The following NEMP2 variants were observed in gnomAD, a reference collection of about 807,000 sequenced individuals.
The protein encoded by NEMP2 is UPF0571 transmembrane protein.
In NEMP2, 53 loss-of-function variants were observed where a neutral mutation model predicts 54.2. That is an observed-to-expected ratio of 0.98 (90% CI 0.78 to 1.23). The LOEUF is 1.23. Ranked by LOEUF, NEMP2 falls within the 50% of genes most tolerant of loss-of-function variation. The pLI is 0.00. For missense variants in NEMP2, 455 were observed against 511.3 expected (o/e 0.89, Z 1.06); for synonymous variants, 197 against 190.3 (o/e 1.04, Z -0.29).
chr2:190,587,136 T>G, the NEMP2 span, among the ~76,000 whole-genome samples: 2 of 152,198 alleles, frequency 1.3e-5, no homozygotes, highest in Non-Finnish European at 2.9e-5. This position sits in a 1 kb window ranked among gnomAD's most constrained non-coding sequence, Gnocchi z 5.4. Context: ...CACTTTTCTG[T>G]GGATCTCTCA....
chr2:190,646,330 C>T, the NEMP2 span, among the ~76,000 whole-genome samples: 7 of 152,020 alleles, frequency 4.6e-5, no homozygotes, highest in Admixed American at 3.3e-4. Context: ...ATCCTCAGGG[C>T]GTGGGAGTGG....
At chr2:190,643,885 C>T in the NEMP2 span, among the ~76,000 whole-genome samples, 1 of 152,052 alleles carries the variant, frequency 6.6e-6, no homozygotes, top group Non-Finnish European at 1.5e-5. Context: ...CATGATTGTG[C>T]CACTGTACTC....
chr2:190,433,479 A>C, the NEMP2 span: 49 of 152,344 alleles, frequency 3.2e-4, no homozygotes, highest in African/African-American at 1.1e-3. This position sits in a 1 kb window ranked among gnomAD's most constrained non-coding sequence, Gnocchi z 4.5. Context: ...GAGGAAAAAA[A>C]TGTTTTTCTT....
At chr2:190,629,799 G>T in the NEMP2 span, 1 of 152,228 alleles carries the variant, frequency 6.6e-6, no homozygotes, top group Non-Finnish European at 1.5e-5. Context: ...CACTTGATGC[G>T]TGTCAAAACC....
chr2:190,550,054 A>C, the NEMP2 span, among the ~76,000 whole-genome samples: 1 of 152,222 alleles, frequency 6.6e-6, no homozygotes, highest in African/African-American at 2.4e-5. The surrounding 1 kb of genome is among the most constrained non-coding windows in gnomAD (Gnocchi z 4.7). Flanking sequence ...GGGGTTTTTT[A>C]CATAGCTTTA....
the NEMP2 span, among the ~76,000 whole-genome samples, chr2:190,553,022 A>G: frequency 6.6e-6 from 1 of 152,192 alleles, no homozygotes; most frequent in Non-Finnish European, 1.5e-5. Flanking sequence ...GCAGTTCGTA[A>G]GCAGAATATT....
the NEMP2 span, among the ~76,000 whole-genome samples, chr2:190,540,423 A>G: frequency 6.6e-6 from 1 of 152,054 alleles, no homozygotes; most frequent in East Asian, 1.9e-4. Context: ...AGCTGGGACT[A>G]CAGACGCATG....
chr2:190,480,764 G>A, the NEMP2 span, among the ~76,000 whole-genome samples: 9 of 152,290 alleles, frequency 5.9e-5, no homozygotes, highest in African/African-American at 2.2e-4. Context: ...TTATAGGAGA[G>A]GTTGACATGA....
the NEMP2 span, among the ~76,000 whole-genome samples, chr2:190,439,208 A>G: frequency 6.6e-6 from 1 of 152,072 alleles, no homozygotes; most frequent in East Asian, 1.9e-4. The surrounding 1 kb of genome is among the most constrained non-coding windows in gnomAD (Gnocchi z 5.8). Context: ...TAATGTCTTT[A>G]AAATCACTGT....
rs968313866 is a variant in NEMP2 at position 190,518,743 on chromosome 2, G to T, written c.511C>A (p.Leu171Met). 2 of 1,540,796 alleles carry T rather than the reference G, an allele frequency of 1.3e-6. No individual in the cohort carries two copies. The highest frequency in any genetic ancestry group is 2.1e-5 in the Admixed American group (1 of 48,522). ...GVFLFFYART[L>M]SQSPTFYYSS... ...ATAAAAAGGAATACTTACTGACTCA[G>T]GGTCCTTGCATAAAAGAAAAGAAAA... The change falls in exon 4 of 9, where the codon CTG becomes ATG. Residue 171 changes from leucine (L) to methionine (M), a missense_variant. Transcript: ENST00000409150.
the NEMP2 span, among the ~76,000 whole-genome samples, chr2:190,647,795 A>C: frequency 3.6e-4 from 50 of 139,536 alleles, no homozygotes; most frequent in African/African-American, 1.3e-3. Context: ...GCTCACTGCA[A>C]CCTCCGCCTC....
chr2:190,561,113 A>AT, the NEMP2 span, among the ~76,000 whole-genome samples: 5 of 152,178 alleles, frequency 3.3e-5, no homozygotes, highest in East Asian at 9.6e-4. This position sits in a 1 kb window ranked among gnomAD's most constrained non-coding sequence, Gnocchi z 5.4. Context: ...CTACCTTCCC[A>AT]TGCTGGGGCT....
the NEMP2 span, among the ~76,000 whole-genome samples, chr2:190,423,965 C>T: frequency 3.3e-5 from 5 of 152,252 alleles, no homozygotes; most frequent in Admixed American, 1.3e-4. The surrounding 1 kb of genome is among the most constrained non-coding windows in gnomAD (Gnocchi z 4.3). Context: ...TGTCCCTTCA[C>T]GTTTTTTGTC....
At chr2:190,432,696 C>T in the NEMP2 span, among the ~76,000 whole-genome samples, 57 of 152,206 alleles carry the variant, frequency 3.7e-4, no homozygotes, top group South Asian at 9.3e-3. Flanking sequence ...GAATTACAGG[C>T]GTGAGCCACC....
the NEMP2 span, among the ~76,000 whole-genome samples, chr2:190,581,935 T>C: frequency 6.6e-6 from 1 of 152,090 alleles, no homozygotes; most frequent in African/African-American, 2.4e-5. Context: ...AATAGGCAAA[T>C]GCTATAAATC....
In NEMP2 at chr2:190,518,815, TA is replaced by T; in HGVS notation, c.446-8del. On this transcript the variant is annotated splice_polypyrimidine_tract_variant and splice_region_variant and intron_variant, in intron 3 of 8. Transcript: ENST00000409150. ...AAGAGTTTGAAATCCATGACTGGAG[TA>T]AAAAAGACACACAAACACATAACAA... 1.3e-6 allele frequency: 2 copies of T among 1,538,194 alleles called. No individual in the cohort carries two copies. Among genetic ancestry groups the T allele is most frequent in the Non-Finnish European group, 1.7e-6 (2 of 1,143,688 alleles).
the NEMP2 span, among the ~76,000 whole-genome samples, chr2:190,585,763 T>C: frequency 2.0e-5 from 3 of 152,166 alleles, no homozygotes; most frequent in Non-Finnish European, 2.9e-5. This position sits in a 1 kb window ranked among gnomAD's most constrained non-coding sequence, Gnocchi z 5.3. Context: ...TTCCTCGAGA[T>C]ATGGGGCTCA....
chr2:190,484,456 T>G, the NEMP2 span, among the ~76,000 whole-genome samples: 1 of 152,308 alleles, frequency 6.6e-6, no homozygotes, highest in East Asian at 1.9e-4. Flanking sequence ...TCCCCTCTAC[T>G]TTACAGGAAT....
At chr2:190,478,116 G>T in the NEMP2 span, among the ~76,000 whole-genome samples, 1 of 152,160 alleles carries the variant, frequency 6.6e-6, no homozygotes, top group African/African-American at 2.4e-5. Context: ...CCAGGATTTA[G>T]GGAGCTGGCC....
Sources: gnomAD v4.1 joint callset for allele counts (sites outside exome capture counted in the v4.1 genomes callset) on GRCh38, gnomAD v4.1.1 for gene constraint, Gnocchi (gnomAD v3.1) non-coding constraint, MANE v1.5 for transcripts, NCBI Gene and HGNC (gene_info 2026-07-23, HGNC 2026-07-21) for gene names.